The following CABIN1 variants were observed in gnomAD, a reference collection of about 807,000 sequenced individuals.
The protein encoded by CABIN1 is calcineurin-binding protein cabin-1.
In CABIN1, 133 loss-of-function variants were observed where a neutral mutation model predicts 227.7. The observed-to-expected ratio is 0.58, with a 90% CI of 0.51 to 0.67. CABIN1 has a LOEUF of 0.67. Among genes scored for constraint, CABIN1 ranks in the 30% least tolerant of loss-of-function variants. The probability of loss-of-function intolerance (pLI) is 0.00; values close to 1 mark genes in which losing one functional copy is unlikely to be tolerated. For synonymous variants in CABIN1, 1,086 were observed against 1,155.1 expected (o/e 0.94, Z 1.21); for missense variants, 2,408 against 2,852.5 (o/e 0.84, Z 3.55).
rs2039732162 is a variant in CABIN1 at position 24,067,020 on chromosome 22, C to T, written c.2071C>T (p.Gln691Ter). 1.9e-6 allele frequency: 3 copies of T among 1,614,240 alleles called. No homozygotes were observed. Among genetic ancestry groups the T allele is most frequent in the Non-Finnish European group, 2.5e-6 (3 of 1,180,046 alleles). The stretch of plus-strand genomic sequence containing the variant: ...GAACCTGAAGTCGCTGGAGCGGTGC[C>T]AGTCCCTGGAGGAGATTCAGCGGCT... Reference protein sequence around the residue: ...DKNLKSLERCQSLEEIQRLYE... With the variant: ...DKNLKSLERC Residue 691 changes from glutamine (Q) to a stop codon, truncating the protein, a stop_gained, in exon 16 of 37, where the codon CAG becomes TAG. Coordinates refer to ENST00000263119, the MANE Select transcript of CABIN1 (RefSeq NM_012295.4). LOFTEE classifies it high-confidence loss of function.
At chr22:24,041,022 A>C in intron 4 of CABIN1, 117 bp from the exon 5 acceptor site, 2 of 1,226,280 alleles carry the variant, frequency 1.6e-6, no homozygotes, top group Non-Finnish European at 2.4e-6. Flanking sequence ...AGTGGTGGAC[A>C]ACACTAGACT....
In CABIN1 at chr22:24,145,732, A is replaced by C. The variant is rs576192278; in HGVS notation, c.4746+11317A>C. Among the ~76,000 whole-genome samples, 151 of 152,306 alleles carry C rather than the reference A, an allele frequency of 9.9e-4. 1 individual carries two copies. Among genetic ancestry groups the C allele is most frequent in the Middle Eastern group, 3.4e-3 (1 of 294 alleles). On this transcript the variant is annotated intron_variant, in intron 29 of 36. Transcript: ENST00000263119. ...GCCTCTGAGGGCAAGCAGTGTCCTC[A>C]GTGGAGGATGGACGCAACACAGTAG...
rs770625706 is a variant in CABIN1, at chr22:24,167,165, G to A, written c.5534G>A (p.Arg1845His). 11 of 1,608,528 alleles carry A rather than the reference G, an allele frequency of 6.8e-6. No homozygotes were observed. Among genetic ancestry groups the A allele is most frequent in the South Asian group, 4.4e-5 (4 of 89,936 alleles). ...GAGGAGCCGCTCTCCCGGCTCAGCC[G>A]CAAGAGGAAGCTCCTGGAGGACACA... Reference protein sequence around the residue: ...HPEEPLSRLSRKRKLLEDTES... With the variant: ...HPEEPLSRLSHKRKLLEDTES... Residue 1845 changes from arginine (R) to histidine (H), a missense_variant, in exon 32 of 37, where the codon CGC becomes CAC. Coordinates refer to ENST00000263119, the MANE Select transcript of CABIN1 (RefSeq NM_012295.4).
chr22:24,017,137 A>G (rs1271388434), intron 1 of CABIN1, among the ~76,000 whole-genome samples: 1 of 151,270 alleles, frequency 6.6e-6, no homozygotes, highest in Non-Finnish European at 1.5e-5. Context: ...CTTGGGTTCA[A>G]GCAATTCTCC....
rs571799610 is a variant in CABIN1 at position 24,015,077 on chromosome 22, A to G, written c.-75+3710A>G. Among the ~76,000 whole-genome samples, 386 of 152,032 alleles carry G rather than the reference A, an allele frequency of 2.5e-3. 3 individuals carry two copies. The highest frequency in any genetic ancestry group is 8.9e-3 in the African/African-American group (371 of 41,474). On this transcript the variant is annotated intron_variant, in intron 1 of 36. Coordinates refer to ENST00000263119, the MANE Select transcript of CABIN1 (RefSeq NM_012295.4). ...TCAGGATTTCAAGACTAGCCTGGCC[A>G]ACATGGTGAAACCCCGTCTCTACTA...
At position 24,059,308 on chromosome 22, in the gene CABIN1, C is replaced by T; in HGVS notation, c.1344C>T (p.Phe448=). The T allele has an allele frequency of 6.2e-7, 1 of 1,614,194 alleles. No individual in the cohort carries two copies. The highest frequency in any genetic ancestry group is 2.2e-5 in the East Asian group (1 of 44,882). Residue 448 remains phenylalanine (F), a synonymous_variant, in exon 11 of 37, where the codon TTC becomes TTT. Transcript: ENST00000263119. ...AGTCAGAAGCCAAACTGGAAAGCTT[C>T]CCAAGCATTGGGCCTCAAAGGCTGT... is the stretch of plus-strand genomic sequence containing the variant. ...EVQSEAKLES[F]PSIGPQRLSF... is the part of the protein sequence containing the mutation.
chr22:24,162,663 T>C (rs564315940), intron 29 of CABIN1, among the ~76,000 whole-genome samples: 1 of 152,308 alleles, frequency 6.6e-6, no homozygotes, highest in East Asian at 1.9e-4. Flanking sequence ...TGGGGAAGTT[T>C]TGAGAGTCAC....
chr22:24,111,280 A>G lies in CABIN1; in HGVS notation c.4118-2286A>G, dbSNP rs74790808. Among the ~76,000 whole-genome samples the G allele has an allele frequency of 3.4e-3, 511 of 152,302 alleles. 8 individuals carry two copies. The East Asian group carries it at 0.036, about 11-fold the overall frequency. On this transcript the variant is annotated intron_variant, in intron 26 of 36. Transcript: ENST00000263119. Reference sequence around the variant, plus strand: ...CTACAGTTGGGCAAAATCATCTAACACGGGGGTCCCCAACCCCCAGGTCAC... The same window carrying G: ...CTACAGTTGGGCAAAATCATCTAACGCGGGGGTCCCCAACCCCCAGGTCAC...
rs759835764 is a variant in CABIN1 at position 24,098,078 on chromosome 22, G to A, written c.4003G>A (p.Ala1335Thr). The stretch of plus-strand genomic sequence containing the variant: ...AGCTGGGACACTGCCGGGCCCCGGA[G>A]CCTCCCTCCCCTCCTCCTCTGGCCC... ...SSAGTLPGPGASLPSSSGPGL... is the reference protein window; with the variant it reads ...SSAGTLPGPGTSLPSSSGPGL... The change falls in exon 26 of 37, where the codon GCC becomes ACC. Residue 1335 changes from alanine to threonine, a missense_variant. Ala to Thr is a moderately conservative substitution (Grantham distance 58). This residue lies in a region of CABIN1 where 649 missense variants were observed against 910.3 expected (regional missense o/e 0.71). Transcript: ENST00000263119. 6.2e-7 allele frequency: 1 copy of A among 1,614,126 alleles called. No individual in the cohort carries two copies. Among genetic ancestry groups the A allele is most frequent in the South Asian group, 1.1e-5 (1 of 91,078 alleles).
At chr22:24,110,104 G>C (rs1012203287) in intron 26 of CABIN1, among the ~76,000 whole-genome samples, 1 of 152,242 alleles carries the variant, frequency 6.6e-6, no homozygotes, top group Non-Finnish European at 1.5e-5. Flanking sequence ...CTGGGAGGTA[G>C]AGGTTGCAGT....
At chr22:24,050,686 G>C in intron 7 of CABIN1, 139 bp from the exon 8 acceptor site, 1 of 992,548 alleles carries the variant, frequency 1.0e-6, no homozygotes, top group Non-Finnish European at 1.5e-6. Flanking sequence ...ACCCAGGCCA[G>C]ACTGAAGTGG....
rs778506247 is a variant in CABIN1 at position 24,076,189 on chromosome 22, C to T, written c.2653C>T (p.Leu885Phe). 1.2e-6 allele frequency: 2 copies of T among 1,614,192 alleles called. No homozygotes were observed. The highest frequency in any genetic ancestry group is 1.1e-5 in the South Asian group (1 of 91,082). ...AEEGMSETPM[L>F]PSSLMLLNTA... ...CCTAGGGATGTCAGAGACGCCCATG[C>T]TCCCATCCTCCCTCATGCTGCTGAA... Residue 885 changes from leucine to phenylalanine, a missense_variant, in exon 19 of 37, where the codon CTC becomes TTC. Coordinates refer to ENST00000263119, the MANE Select transcript of CABIN1 (RefSeq NM_012295.4).
chr22:24,073,243 TC>T (rs1342587563), intron 18 of CABIN1, among the ~76,000 whole-genome samples: 2 of 152,104 alleles, frequency 1.3e-5, no homozygotes, highest in Non-Finnish European at 2.9e-5. Context: ...ATCAGATAGA[TC>T]TTTTTTTTTT....
chr22:24,024,610 A>C (rs2035950715), intron 1 of CABIN1, among the ~76,000 whole-genome samples: 1 of 151,764 alleles, frequency 6.6e-6, no homozygotes. Context: ...TAATTTTTCT[A>C]CCCCTTTCTC....
intron 29 of CABIN1, among the ~76,000 whole-genome samples, chr22:24,152,404 C>T (rs2045536874): frequency 6.6e-6 from 1 of 152,170 alleles, no homozygotes; most frequent in Admixed American, 6.5e-5. Context: ...GAGAAACGCA[C>T]TTCACTCTGT....
chr22:24,113,179 G>A (rs2042899141), intron 26 of CABIN1, among the ~76,000 whole-genome samples: 1 of 152,248 alleles, frequency 6.6e-6, no homozygotes, highest in Non-Finnish European at 1.5e-5. Flanking sequence ...GGTGGCTACT[G>A]TGCATCTCTT....
chr22:24,141,730 G>A (rs749780576), intron 29 of CABIN1, among the ~76,000 whole-genome samples: 22 of 152,180 alleles, frequency 1.4e-4, no homozygotes, highest in Admixed American at 1.3e-4. Context: ...CACACCGGTA[G>A]CCAGTCCCCT....
chr22:24,050,709 T>A, intron 7 of CABIN1, 116 bp from the exon 8 acceptor site: 2 of 1,290,068 alleles, frequency 1.6e-6, no homozygotes, highest in Non-Finnish European at 2.2e-6. Context: ...ATTTTATTTA[T>A]AGGAAGAAAA....
chr22:24,045,923 A>G (rs559008035), intron 6 of CABIN1, among the ~76,000 whole-genome samples: 1 of 152,360 alleles, frequency 6.6e-6, no homozygotes, highest in South Asian at 2.1e-4. Context: ...CATACATACA[A>G]TAAGGTACAT....
Sources: gnomAD v4.1 joint callset for allele counts (sites outside exome capture counted in the v4.1 genomes callset) on GRCh38, gnomAD v4.1.1 for gene constraint, gnomAD v4.1.1 regional missense constraint, MANE v1.5 for transcripts, NCBI Gene and HGNC (gene_info 2026-07-23, HGNC 2026-07-21) for gene names.